ADRA1A: variants seen among roughly 807,000 people sequenced by gnomAD.
ADRA1A encodes the protein alpha-1A adrenergic receptor.
ADRA1A carries 31 observed loss-of-function variants against 29.6 expected under a neutral mutation model. The ratio of observed to expected loss-of-function variants is 1.05; its 90% confidence interval spans 0.79 to 1.41. The LOEUF is 1.41. Ranked by LOEUF, ADRA1A falls within the 40% of genes most tolerant of loss-of-function variation. The probability of loss-of-function intolerance (pLI) is 0.00; values close to 1 mark genes in which losing one functional copy is unlikely to be tolerated. For synonymous variants in ADRA1A, 311 were observed against 254.3 expected, an observed-to-expected ratio of 1.22 and a Z score of -2.12; for missense variants, 619 against 601.1, an observed-to-expected ratio of 1.03 and a Z score of -0.31.
intron 2 of ADRA1A, among the ~76,000 whole-genome samples, chr8:26,759,013 G>A (rs1805358461): frequency 6.6e-6 from 1 of 152,002 alleles, no homozygotes; most frequent in Non-Finnish European, 1.5e-5. Context: ...CTTTATCTTT[G>A]TAAATCATCA....
At chr8:26,814,340 T>C (rs1264423874) in intron 2 of ADRA1A, among the ~76,000 whole-genome samples, 1 of 152,130 alleles carries the variant, frequency 6.6e-6, no homozygotes, top group Admixed American at 6.6e-5. Context: ...AACTCCTGGG[T>C]TTAAGCAATC....
chr8:26,842,498 T>C (rs1811889456), intron 2 of ADRA1A, among the ~76,000 whole-genome samples: 1 of 152,156 alleles, frequency 6.6e-6, no homozygotes, highest in African/African-American at 2.4e-5. Context: ...CTGATTCCCA[T>C]TGACCTGCCT....
intron 2 of ADRA1A, among the ~76,000 whole-genome samples, chr8:26,849,003 C>T (rs888878649): frequency 2.0e-5 from 3 of 152,194 alleles, no homozygotes; most frequent in Non-Finnish European, 4.4e-5. Context: ...GCAGTGAATT[C>T]CAGACGGAGC....
At chr8:26,764,873 T>G (rs1426997644), downstream of ADRA1A, among the ~76,000 whole-genome samples, 1 of 152,224 alleles carries the variant, frequency 6.6e-6, no homozygotes, top group Non-Finnish European at 1.5e-5. Context: ...CAGTGTACAT[T>G]TGCTCTTAGA....
chr8:26,853,324 C>T (rs1812771471), intron 2 of ADRA1A, among the ~76,000 whole-genome samples: 1 of 152,100 alleles, frequency 6.6e-6, no homozygotes. Context: ...GTGCTTAAAA[C>T]TAAAGTCTAA....
intron 2 of ADRA1A, among the ~76,000 whole-genome samples, chr8:26,770,918 G>A (rs1322890706): frequency 6.6e-6 from 1 of 152,154 alleles, no homozygotes; most frequent in East Asian, 1.9e-4. Context: ...GGGTTGCACT[G>A]GCTCTCAGTG....
At chr8:26,757,020 GTCT>G in intron 2 of ADRA1A, 1 of 713,652 alleles carries the variant, frequency 1.4e-6, no homozygotes, top group Non-Finnish European at 2.5e-6. Flanking sequence ...GATGCTTTTG[GTCT>G]TCTTTCTCCA....
chr8:26,840,483 C>T (rs1482139449), intron 2 of ADRA1A, among the ~76,000 whole-genome samples: 2 of 152,108 alleles, frequency 1.3e-5, no homozygotes, highest in South Asian at 2.1e-4. Flanking sequence ...AAACCCTAGA[C>T]TTTGGTTTGG....
chr8:26,823,421 G>A lies in ADRA1A; in HGVS notation c.883+40666C>T, dbSNP rs1313212290. ...GTAATATCTTTGTCCCTGGTGAGCC[G>A]TATCTCTGATACCTTCTAAAATGTT... On this transcript the variant is annotated intron_variant, in intron 2 of 2. Transcript: ENST00000380573. The surrounding 1 kb of genome is among the most constrained non-coding windows in gnomAD (Gnocchi z 4.2). 3.3e-5 allele frequency among the ~76,000 whole-genome samples: 5 copies of A among 152,180 alleles called. No individual in the cohort carries two copies. The highest frequency in any genetic ancestry group is 4.4e-5 in the Non-Finnish European group (3 of 68,030).
intron 2 of ADRA1A, among the ~76,000 whole-genome samples, chr8:26,824,708 G>C (rs1002520572): frequency 2.6e-5 from 4 of 152,038 alleles, no homozygotes; most frequent in African/African-American, 9.7e-5. Flanking sequence ...AATGCTTTCT[G>C]AGCCAAGTGA....
intron 2 of ADRA1A, among the ~76,000 whole-genome samples, chr8:26,856,383 G>A (rs988303163): frequency 1.3e-5 from 2 of 152,178 alleles, no homozygotes; most frequent in Non-Finnish European, 2.9e-5. Context: ...TGATAATCTT[G>A]AAATGCTGTA....
intron 2 of ADRA1A, among the ~76,000 whole-genome samples, chr8:26,803,222 G>A (rs1273948329): frequency 1.3e-5 from 2 of 152,128 alleles, no homozygotes; most frequent in East Asian, 1.9e-4. Context: ...GAATAACTGA[G>A]GGAGTACAAT....
At chr8:26,795,151 C>G (rs1013572679) in intron 2 of ADRA1A, among the ~76,000 whole-genome samples, 32 of 152,060 alleles carry the variant, frequency 2.1e-4, no homozygotes, top group African/African-American at 7.5e-4. Context: ...TGGCTGATTC[C>G]AGGTCTGGCC....
chr8:26,757,843 A>C (rs1287183294), intron 2 of ADRA1A, among the ~76,000 whole-genome samples: 2 of 126,998 alleles, frequency 1.6e-5, no homozygotes, highest in Non-Finnish European at 3.3e-5. Context: ...CCATAACATC[A>C]TTTATATAAG....
At chr8:26,757,512 T>TCCCC (rs1428337716) in intron 2 of ADRA1A, among the ~76,000 whole-genome samples, 5 of 147,572 alleles carry the variant, frequency 3.4e-5, no homozygotes, top group African/African-American at 1.0e-4. Flanking sequence ...TGCTTCCATT[T>TCCCC]CCCCCACCCC....
chr8:26,804,508 T>C (rs1808823236), intron 2 of ADRA1A, among the ~76,000 whole-genome samples: 1 of 152,220 alleles, frequency 6.6e-6, no homozygotes, highest in African/African-American at 2.4e-5. Flanking sequence ...TACTGCATGA[T>C]TTTCTTCATT....
At chr8:26,811,254 G>A (rs1809369212) in intron 2 of ADRA1A, among the ~76,000 whole-genome samples, 2 of 151,556 alleles carry the variant, frequency 1.3e-5, no homozygotes, top group South Asian at 2.1e-4. Flanking sequence ...GTGCAGTGGC[G>A]CGATCTCGGC....
chr8:26,804,992 C>T (rs1808865200), intron 2 of ADRA1A, among the ~76,000 whole-genome samples: 2 of 152,188 alleles, frequency 1.3e-5, no homozygotes, highest in Non-Finnish European at 2.9e-5. Flanking sequence ...TACACACATA[C>T]ACACATGCTC....
intron 2 of ADRA1A, among the ~76,000 whole-genome samples, chr8:26,797,436 A>C (rs1004384612): frequency 6.6e-6 from 1 of 152,012 alleles, no homozygotes; most frequent in Non-Finnish European, 1.5e-5. Context: ...AGCTGGGACT[A>C]TAGGCATGAG....
Sources: gnomAD v4.1 joint callset for allele counts (sites outside exome capture counted in the v4.1 genomes callset) on GRCh38, gnomAD v4.1.1 for gene constraint, Gnocchi (gnomAD v3.1) non-coding constraint, MANE v1.5 for transcripts, NCBI Gene and HGNC (gene_info 2026-07-23, HGNC 2026-07-21) for gene names.